ZNF512: variants seen among roughly 807,000 people sequenced by gnomAD.
ZNF512 encodes zinc finger protein 512.
In ZNF512, 25 loss-of-function variants were observed where a neutral mutation model predicts 77.5. The ratio of observed to expected loss-of-function variants is 0.32; its 90% CI spans 0.23 to 0.45. ZNF512 has a LOEUF of 0.45. ZNF512 is among the 20% of genes least tolerant of loss of function. ZNF512 has a pLI of 1.00. For missense variants in ZNF512, 483 were observed against 692.6 expected (o/e 0.70, Z 3.40); for synonymous variants, 246 against 239.9 (o/e 1.03, Z -0.24).
At chr2:27,604,861 G>A (rs763029000) in intron 9 of ZNF512, among the ~76,000 whole-genome samples, 39 of 152,106 alleles carry the variant, frequency 2.6e-4, no homozygotes, top group Non-Finnish European at 5.1e-4. Context: ...TTTTCCTCCA[G>A]CTACAGCCTC....
chr2:27,592,173 T>C (rs918069417), intron 2 of ZNF512, among the ~76,000 whole-genome samples: 3 of 151,986 alleles, frequency 2.0e-5, no homozygotes, highest in African/African-American at 7.3e-5. Context: ...GTATTTTTAA[T>C]AGAGGTAGGA....
At chr2:27,601,912 G>C (rs1166928947) in intron 7 of ZNF512, among the ~76,000 whole-genome samples, 1 of 152,188 alleles carries the variant, frequency 6.6e-6, no homozygotes, top group Non-Finnish European at 1.5e-5. Context: ...GCCTCCTAAA[G>C]TGCTGGGATT....
intron 7 of ZNF512, among the ~76,000 whole-genome samples, chr2:27,602,171 A>T (rs1043273417): frequency 6.6e-6 from 1 of 152,244 alleles, no homozygotes; most frequent in Non-Finnish European, 1.5e-5. Flanking sequence ...GACCGTTTTG[A>T]TAAAAGAGTT....
chr2:27,618,558 T>C lies in ZNF512; in HGVS notation c.1395+987T>C, dbSNP rs77752930. 8.4e-3 allele frequency among the ~76,000 whole-genome samples: 1,283 copies of C among 152,280 alleles called. 17 individuals carry two copies. The highest frequency in any genetic ancestry group is 0.028 in the African/African-American group (1,179 of 41,562). On this transcript the variant is annotated intron_variant, in intron 13 of 13. Coordinates refer to ENST00000355467, the MANE Select transcript of ZNF512 (RefSeq NM_032434.4). ...CAAAGTGTTTAGGGATGAAGTATTA[T>C]GATGTCTGCAACTAATTTGCACATA...
intron 10 of ZNF512, among the ~76,000 whole-genome samples, chr2:27,611,669 G>A (rs1264827891): frequency 2.0e-5 from 3 of 151,302 alleles, no homozygotes; most frequent in Non-Finnish European, 2.9e-5. Flanking sequence ...TCTTAGATTA[G>A]CATCCATTGA....
At chr2:27,592,667 C>CTTTTTTTTTTTTTTTTTTTTTTTTT (rs139890307) in intron 2 of ZNF512, among the ~76,000 whole-genome samples, 5 of 81,560 alleles carry the variant, frequency 6.1e-5, no homozygotes, top group Non-Finnish European at 9.4e-5. Flanking sequence ...CCATGTTTAC[C>CTTTTTTTTTTTTTTTTTTTTTTTTT]TTTTTTTTTT....
In ZNF512 at chr2:27,623,214, G is replaced by A. The variant is rs1287859265; in HGVS notation, c.*1753G>A. Reference sequence around the variant, plus strand: ...ATAAATTCCACATGCAGTTGTCTCAGTAATTCTTTGGTTCATGAATTATGC... The same window carrying A: ...ATAAATTCCACATGCAGTTGTCTCAATAATTCTTTGGTTCATGAATTATGC... On this transcript the variant is annotated 3_prime_UTR_variant, in exon 14 of 14. Transcript: ENST00000355467. 6.6e-6 allele frequency: 1 copy of A among 152,334 alleles called. No homozygotes were observed. Among genetic ancestry groups the A allele is most frequent in the Admixed American group, 6.6e-5 (1 of 15,266 alleles). The allele number at this position is 152,334 out of a possible 1,614,324, so 9.4% of individuals were successfully genotyped here. A position where few individuals can be genotyped will look rare whatever the true frequency, so the allele number is the denominator to read the frequency against.
At chr2:27,611,358 A>C (rs1275871252) in intron 10 of ZNF512, among the ~76,000 whole-genome samples, 2 of 152,076 alleles carry the variant, frequency 1.3e-5, no homozygotes, top group African/African-American at 4.8e-5. Context: ...ATTTTGTAGA[A>C]TGTTCCCCAG....
intron 3 of ZNF512, 86 bp from the exon 4 acceptor site, chr2:27,599,497 C>T: frequency 1.0e-6 from 1 of 963,310 alleles, no homozygotes; most frequent in East Asian, 2.4e-5. Context: ...TTTTGATGGT[C>T]TTGTGAATGA....
chr2:27,610,462 ATATATGTG>A (rs1043298968), intron 10 of ZNF512, among the ~76,000 whole-genome samples: 21 of 82,508 alleles, frequency 2.5e-4, no homozygotes, highest in Admixed American at 6.3e-4. Context: ...CAAATAGGTT[ATATATGTG>A]TATATGTGTA....
intron 2 of ZNF512, among the ~76,000 whole-genome samples, chr2:27,588,654 CTCTAACTTTAGTGT>C (rs1671442485): frequency 1.3e-5 from 2 of 152,158 alleles, no homozygotes; most frequent in South Asian, 4.1e-4. Flanking sequence ...TCAGTAAGTC[CTCTAACTTTAGTGT>C]TCTTTTTCAA....
intron 11 of ZNF512, among the ~76,000 whole-genome samples, chr2:27,615,500 C>G (rs1209174961): frequency 6.6e-6 from 1 of 152,220 alleles, no homozygotes; most frequent in African/African-American, 2.4e-5. Context: ...ACTGGAAACT[C>G]AGACTGGAAT....
intron 10 of ZNF512, among the ~76,000 whole-genome samples, chr2:27,611,100 T>G (rs986099202): frequency 6.6e-6 from 1 of 152,184 alleles, no homozygotes; most frequent in Non-Finnish European, 1.5e-5. Context: ...GATGTACATA[T>G]AAGCAATGTA....
At chr2:27,605,251 C>T (rs1441250797) in intron 9 of ZNF512, among the ~76,000 whole-genome samples, 2 of 151,934 alleles carry the variant, frequency 1.3e-5, no homozygotes, top group African/African-American at 2.4e-5. Context: ...CTCAGGAGTT[C>T]GAGACCAGCT....
Position 27,603,262 on chromosome 2 carries a change from G to T in ZNF512, c.891G>T (p.Arg297Ser), listed in dbSNP as rs200834078. Residue 297 changes from arginine to serine, a missense_variant, in exon 9 of 14, where the codon AGG becomes AGT. Physicochemically the swap from Arg to Ser is moderately radical, Grantham distance 110 (BLOSUM62 -1). Coordinates refer to ENST00000355467, the MANE Select transcript of ZNF512 (RefSeq NM_032434.4). Reference sequence around the variant, plus strand: ...GTCACCACTGTGGAAAACCATATAGGTCGAAGGCTGGACTTGCATATCACC... The same window carrying T: ...GTCACCACTGTGGAAAACCATATAGTTCGAAGGCTGGACTTGCATATCACC... ...LKCHHCGKPY[R>S]SKAGLAYHLR... 1.2e-6 allele frequency: 2 copies of T among 1,614,036 alleles called. No individual in the cohort carries two copies. Among genetic ancestry groups the T allele is most frequent in the Admixed American group, 1.7e-5 (1 of 60,016 alleles).
chr2:27,609,408 C>T (rs1018305433), intron 10 of ZNF512, among the ~76,000 whole-genome samples: 3 of 152,058 alleles, frequency 2.0e-5, no homozygotes, highest in Admixed American at 2.0e-4. Context: ...GGTTTCAGTA[C>T]GCATAGGATA....
At position 27,600,026 on chromosome 2, in the gene ZNF512, C is replaced by T. The variant is rs1196505966; in HGVS notation, c.430C>T (p.Arg144Trp). 5.0e-6 allele frequency: 8 copies of T among 1,614,134 alleles called. No individual in the cohort carries two copies. The highest frequency in any genetic ancestry group is 4.4e-5 in the South Asian group (4 of 91,076). The change falls in exon 5 of 14, where the codon CGG (arginine) becomes TGG (tryptophan). Residue 144 changes from arginine to tryptophan, a missense_variant. Around this residue, in one of 2 missense-constraint regions of ZNF512, gnomAD observed 324 missense variants for 525.0 expected, o/e 0.62. Coordinates refer to ENST00000355467, the MANE Select transcript of ZNF512 (RefSeq NM_032434.4). ...TCCCAAATCCCAGGCCCGTCGTATTCGGAAGGAACCACCAGTTTATGCAGC... is the reference window on the plus strand; with the variant it reads ...TCCCAAATCCCAGGCCCGTCGTATTTGGAAGGAACCACCAGTTTATGCAGC... ...PNPKSQARRI[R>W]KEPPVYAAGS...
chr2:27,585,584 C>T lies in ZNF512; in HGVS notation c.89+1868C>T, dbSNP rs569621788. Among the ~76,000 whole-genome samples, 62 of 152,254 alleles carry T rather than the reference C, an allele frequency of 4.1e-4. No individual in the cohort carries two copies. In the South Asian group the frequency reaches 0.012, roughly 31 times the overall value. ...GAGTAGAGGAGGAAATCATGGAGAACACTAGCTTTTAAAGATTGGGTAGAA... is the reference window on the plus strand; with the variant it reads ...GAGTAGAGGAGGAAATCATGGAGAATACTAGCTTTTAAAGATTGGGTAGAA... On this transcript the variant is annotated intron_variant, in intron 2 of 13. Coordinates refer to ENST00000355467, the MANE Select transcript of ZNF512 (RefSeq NM_032434.4).
At chr2:27,599,135 A>T (rs1672002248) in intron 3 of ZNF512, among the ~76,000 whole-genome samples, 1 of 152,140 alleles carries the variant, frequency 6.6e-6, no homozygotes, top group African/African-American at 2.4e-5. Context: ...TACAGATGTG[A>T]GTCACCATGG....
Sources: allele counts gnomAD v4.1 joint callset (sites outside exome capture counted in the v4.1 genomes callset), GRCh38; gene constraint gnomAD v4.1.1; regional missense constraint gnomAD v4.1.1; transcripts MANE v1.5; gene names NCBI Gene and HGNC (gene_info 2026-07-23, HGNC 2026-07-21).